MTMR2: variants seen among roughly 807,000 people sequenced by gnomAD.
MTMR2 encodes the protein myotubularin related protein 2.
Under a neutral mutation model 86.9 loss-of-function variants are expected in MTMR2, and 55 were observed. The ratio of observed to expected loss-of-function variants is 0.63; its 90% CI spans 0.51 to 0.79. MTMR2 has a LOEUF of 0.79. MTMR2 is among the 30% of genes least tolerant of loss of function. The pLI is 0.00. For missense variants in MTMR2, 659 were observed against 772.3 expected (o/e 0.85, Z 1.74); for synonymous variants, 241 against 266.8 (o/e 0.90, Z 0.94).
Position 95,845,168 on chromosome 11 carries a change from CAG to C in MTMR2, c.1180-11_1180-10del. The C allele has an allele frequency of 6.3e-7, 1 of 1,589,822 alleles. No individual in the cohort carries two copies. Among genetic ancestry groups the C allele is most frequent in the Non-Finnish European group, 8.6e-7 (1 of 1,161,014 alleles). On this transcript the variant is annotated splice_polypyrimidine_tract_variant and intron_variant, in intron 10 of 14. Coordinates refer to ENST00000346299, the MANE Select transcript of MTMR2 (RefSeq NM_016156.6). Reference sequence around the variant, plus strand: ...GCCCCTGCAAGAATAAGCTGGAAAACAGATTTTTTAATACATTGTTTTTAAAC... The same window carrying C: ...GCCCCTGCAAGAATAAGCTGGAAAACATTTTTTAATACATTGTTTTTAAAC...
chr11:95,914,958 G>A (rs1216663909), intron 1 of MTMR2, among the ~76,000 whole-genome samples: 2 of 152,176 alleles, frequency 1.3e-5, no homozygotes, highest in Non-Finnish European at 2.9e-5. Context: ...TAGAAGAAAT[G>A]TAGCACCATG....
chr11:95,918,837 A>G (rs754027690), intron 1 of MTMR2, among the ~76,000 whole-genome samples: 1 of 152,110 alleles, frequency 6.6e-6, no homozygotes, highest in African/African-American at 2.4e-5. Flanking sequence ...TCCTACCAAC[A>G]TATCACTTTT....
chr11:95,900,983 T>C (rs1866055259), intron 1 of MTMR2, among the ~76,000 whole-genome samples: 1 of 152,298 alleles, frequency 6.6e-6, no homozygotes, highest in Admixed American at 6.5e-5. Flanking sequence ...ACCTCCCTCC[T>C]GGAATTCTTT....
In MTMR2 at chr11:95,899,259, C is replaced by T. The variant is rs1865987337; in HGVS notation, c.81-10998G>A. On this transcript the variant is annotated intron_variant, in intron 1 of 14. Transcript: ENST00000346299. ...GAATAGAATTTAGCAGCTGACTTGA[C>T]CTGAAAACAAGGGAGAAGGAAGACT... is the stretch of plus-strand genomic sequence containing the variant. 2.6e-5 allele frequency among the ~76,000 whole-genome samples: 4 copies of T among 152,132 alleles called. No homozygotes were observed. The South Asian group carries it at 8.3e-4, about 32-fold the overall frequency.
At chr11:95,842,198 A>G (rs906964337) in intron 11 of MTMR2, among the ~76,000 whole-genome samples, 6 of 152,202 alleles carry the variant, frequency 3.9e-5, no homozygotes, top group Non-Finnish European at 5.9e-5. Context: ...AACTGCTCAG[A>G]TATTTTCTGA....
At chr11:95,911,124 C>A (rs1440519043) in intron 1 of MTMR2, among the ~76,000 whole-genome samples, 2 of 152,202 alleles carry the variant, frequency 1.3e-5, no homozygotes, top group Admixed American at 6.5e-5. Context: ...AAATAAGAGA[C>A]AACATGTTGT....
At chr11:95,911,280 C>T (rs928186237) in intron 1 of MTMR2, among the ~76,000 whole-genome samples, 10 of 152,152 alleles carry the variant, frequency 6.6e-5, no homozygotes, top group African/African-American at 2.4e-4. Flanking sequence ...CTATTAATTA[C>T]ATTTCCCAAA....
At chr11:95,923,701 C>T in intron 1 of MTMR2, 174 bp downstream of exon 1, 2 of 1,435,334 alleles carry the variant, frequency 1.4e-6, no homozygotes, top group Admixed American at 2.8e-5. Flanking sequence ...CCTCCTTTTC[C>T]TCAGCCTCCA....
intron 1 of MTMR2, among the ~76,000 whole-genome samples, chr11:95,907,607 A>C (rs1015976046): frequency 1.3e-5 from 2 of 152,170 alleles, no homozygotes; most frequent in African/African-American, 4.8e-5. Context: ...AGCTGCAAAA[A>C]TCCTTAACAA....
At position 95,847,860 on chromosome 11, in the gene MTMR2, T is replaced by C. The variant is rs375607191; in HGVS notation, c.1033A>G (p.Asn345Asp). 6.2e-7 allele frequency: 1 copy of C among 1,613,796 alleles called. No homozygotes were observed. The highest frequency in any genetic ancestry group is 8.5e-7 in the Non-Finnish European group (1 of 1,179,788). The change falls in exon 10 of 15, where the codon AAT (asparagine) becomes GAT (aspartate). Residue 345 changes from asparagine to aspartate, a missense_variant. Coordinates refer to ENST00000346299, the MANE Select transcript of MTMR2 (RefSeq NM_016156.6). Reference protein sequence around the residue: ...GGYESEDAYQNAELVFLDIHN... With the variant: ...GGYESEDAYQDAELVFLDIHN... ...ATATCCAGGAAAACTAGTTCAGCATTTTGATAGGCATCTTCACTTTCATAA... is the reference window on the plus strand; with the variant it reads ...ATATCCAGGAAAACTAGTTCAGCATCTTGATAGGCATCTTCACTTTCATAA...
At chr11:95,848,693 TA>T (rs1329824708) in intron 9 of MTMR2, among the ~76,000 whole-genome samples, 3 of 152,124 alleles carry the variant, frequency 2.0e-5, no homozygotes, top group African/African-American at 7.2e-5. Context: ...TATACAAAAT[TA>T]AGTGATTATA....
intron 2 of MTMR2, chr11:95,882,613 A>G (rs937908945): frequency 1.3e-5 from 2 of 152,160 alleles, no homozygotes; most frequent in Non-Finnish European, 2.9e-5. Flanking sequence ...ATTTAAGCCT[A>G]TTACATACTT....
intron 1 of MTMR2, among the ~76,000 whole-genome samples, chr11:95,891,772 T>C (rs1358027220): frequency 6.6e-6 from 1 of 152,158 alleles, no homozygotes; most frequent in East Asian, 1.9e-4. Flanking sequence ...GGGTACAGTG[T>C]GGGAATACAT....
At position 95,915,573 on chromosome 11, in the gene MTMR2, G is replaced by T. The variant is rs1283255357; in HGVS notation, c.80+8302C>A. Among the ~76,000 whole-genome samples the T allele has an allele frequency of 3.3e-5, 5 of 151,982 alleles. No homozygotes were observed. The East Asian group carries it at 9.6e-4, about 29-fold the overall frequency. On this transcript the variant is annotated intron_variant, in intron 1 of 14. Transcript: ENST00000346299. The stretch of plus-strand genomic sequence containing the variant: ...CTCCGCATTTTTAATAAAATGTTTA[G>T]GTCAAAGATATAAAAACAAACTGAA...
intron 2 of MTMR2, among the ~76,000 whole-genome samples, chr11:95,883,612 G>A (rs1865417014): frequency 6.6e-6 from 1 of 152,142 alleles, no homozygotes; most frequent in South Asian, 2.1e-4. Flanking sequence ...GATTACATCT[G>A]TATAAGACTT....
At position 95,893,255 on chromosome 11, in the gene MTMR2, C is replaced by A. The variant is rs140929917; in HGVS notation, c.81-4994G>T. ...CTACATAACCTCATACACATTCCCA[C>A]TTCAGCAATGTGCATCTTGTCATTA... On this transcript the variant is annotated intron_variant, in intron 1 of 14. Coordinates refer to ENST00000346299, the MANE Select transcript of MTMR2 (RefSeq NM_016156.6). Among the ~76,000 whole-genome samples the A allele has an allele frequency of 6.6e-3, 1,009 of 152,264 alleles. 10 individuals are homozygous for A. Among genetic ancestry groups the A allele is most frequent in the Middle Eastern group, 0.014 (4 of 294 alleles).
chr11:95,865,594 T>C lies in MTMR2; in HGVS notation c.262+7A>G. ...AAGGACATTAAGCAAAAAATACCAT[T>C]ACGGACCCATGTCTTTAATATTTTC... On this transcript the variant is annotated splice_region_variant and intron_variant, in intron 3 of 14. Transcript: ENST00000346299. 6.2e-7 allele frequency: 1 copy of C among 1,612,072 alleles called. No individual in the cohort carries two copies. The highest frequency in any genetic ancestry group is 1.1e-5 in the South Asian group (1 of 91,028).
At chr11:95,864,544 T>C (rs182222597) in intron 3 of MTMR2, among the ~76,000 whole-genome samples, 1 of 152,312 alleles carries the variant, frequency 6.6e-6, no homozygotes, top group East Asian at 1.9e-4. Flanking sequence ...AAGAATATAC[T>C]CTCTGAGAAT....
At chr11:95,882,833 C>T (rs1428567896) in intron 2 of MTMR2, among the ~76,000 whole-genome samples, 1 of 149,400 alleles carries the variant, frequency 6.7e-6, no homozygotes, top group Non-Finnish European at 1.5e-5. Flanking sequence ...CGCCATTTTC[C>T]TGCCTCAGCC....
Sources: gnomAD v4.1 joint callset for allele counts (sites outside exome capture counted in the v4.1 genomes callset) on GRCh38, gnomAD v4.1.1 for gene constraint, MANE v1.5 for transcripts, NCBI Gene and HGNC (gene_info 2026-07-23, HGNC 2026-07-21) for gene names.